Variants in CUL2 observed in about 807,000 individuals in gnomAD.
CUL2 encodes the protein cullin 2.
A neutral mutation model predicts 110.2 loss-of-function variants in CUL2; 22 were observed. The ratio of observed to expected loss-of-function variants is 0.20; its 90% CI spans 0.14 to 0.28. The LOEUF is 0.28. Among genes scored for constraint, CUL2 ranks in the 10% least tolerant of loss-of-function variants. CUL2 has a pLI of 1.00. For missense variants in CUL2, 631 were observed against 905.5 expected (o/e 0.70, Z 3.89); for synonymous variants, 279 against 293.2 (o/e 0.95, Z 0.49).
chr10:35,086,371 T>G (rs1028048013), intron 1 of CUL2, among the ~76,000 whole-genome samples: 1 of 151,952 alleles, frequency 6.6e-6, no homozygotes, highest in Admixed American at 6.6e-5. Flanking sequence ...CACTGCAGCC[T>G]CCACCTCCTG....
chr10:35,115,928 C>A (rs115583277), intron 1 of CUL2, among the ~76,000 whole-genome samples: 392 of 151,798 alleles, frequency 2.6e-3, no homozygotes, highest in African/African-American at 9.1e-3. Flanking sequence ...AATGTTGATT[C>A]TTTGAAGAGA....
At chr10:35,018,795 A>G (rs1386059422) in intron 17 of CUL2, among the ~76,000 whole-genome samples, 1 of 151,028 alleles carries the variant, frequency 6.6e-6, no homozygotes, top group African/African-American at 2.4e-5. Context: ...TTTAAAGGCT[A>G]TGAGTGAATT....
At chr10:35,109,648 C>T (rs2087504081) in intron 1 of CUL2, among the ~76,000 whole-genome samples, 2 of 152,160 alleles carry the variant, frequency 1.3e-5, no homozygotes, top group African/African-American at 4.8e-5. Flanking sequence ...ACAAGATTTC[C>T]AAACAGTGGG....
chr10:35,107,847 A>C (rs1256679931), intron 1 of CUL2, among the ~76,000 whole-genome samples: 3 of 125,130 alleles, frequency 2.4e-5, no homozygotes, highest in South Asian at 5.4e-4. Flanking sequence ...GCGCCACTGC[A>C]CTCCAGCCTG....
upstream of CUL2, chr10:35,126,791 C>T (rs2087859995): frequency 6.6e-6 from 1 of 152,444 alleles, no homozygotes; most frequent in Non-Finnish European, 1.5e-5. Flanking sequence ...CTCCCTATCC[C>T]TAGGCCCCGC....
At chr10:35,043,524 C>T (rs190943435) in intron 8 of CUL2, among the ~76,000 whole-genome samples, 21 of 152,260 alleles carry the variant, frequency 1.4e-4, no homozygotes, top group Non-Finnish European at 2.5e-4. Flanking sequence ...GACTTGTGGC[C>T]TAGGGATGTA....
intron 10 of CUL2, among the ~76,000 whole-genome samples, chr10:35,034,731 T>C (rs1399849572): frequency 6.6e-6 from 1 of 152,190 alleles, no homozygotes; most frequent in Non-Finnish European, 1.5e-5. Context: ...AGCAAGCATA[T>C]ACTTACAGAA....
chr10:35,099,968 T>C (rs2087355133), intron 2 of CUL2, among the ~76,000 whole-genome samples: 1 of 152,104 alleles, frequency 6.6e-6, no homozygotes, highest in South Asian at 2.1e-4. Context: ...GTGGGGTTTT[T>C]GTTTTCTTTT....
chr10:35,085,073 T>C (rs1307429874), intron 1 of CUL2, among the ~76,000 whole-genome samples: 2 of 151,892 alleles, frequency 1.3e-5, no homozygotes, highest in Non-Finnish European at 2.9e-5. Context: ...TCAGCCGAGA[T>C]TGTGCCACTG....
At chr10:35,121,009 CCTTT>C (rs1178493319) in intron 1 of CUL2, among the ~76,000 whole-genome samples, 1 of 152,046 alleles carries the variant, frequency 6.6e-6, no homozygotes, top group Admixed American at 6.5e-5. Flanking sequence ...CCTTCATATC[CCTTT>C]CTAAGTTCAT....
rs552424588 is a variant in CUL2, at chr10:35,104,982, G to T, written c.-50-3922C>A. On this transcript the variant is annotated intron_variant, in intron 1 of 5. Coordinates refer to the CUL2 transcript ENST00000685421. ...GACCTCAGATGATCCACCCGCCTGG[G>T]CCTCCCAATGTGCTGGGATTACAGG... is the stretch of plus-strand genomic sequence containing the variant. 2.0e-5 allele frequency among the ~76,000 whole-genome samples: 3 copies of T among 151,888 alleles called. No homozygotes were observed. In the South Asian group the frequency reaches 6.2e-4, roughly 32 times the overall value.
Position 35,033,182 on chromosome 10 carries a change from A to T in CUL2, c.1094T>A (p.Met365Lys). Residue 365 changes from methionine (M) to lysine (K), a missense_variant, in exon 11 of 21, where the codon ATG (methionine) becomes AAG (lysine). Coordinates refer to ENST00000374749, the MANE Select transcript of CUL2 (RefSeq NM_003591.4). ...AAAACTTACCTTATCCAACGCACTC[A>T]TAAAATGCTGATCACCATTCAAAAC... is the stretch of plus-strand genomic sequence containing the variant. ...NTVLNGDQHF[M>K]SALDKALTSV... The T allele has an allele frequency of 6.2e-7, 1 of 1,612,658 alleles. No individual in the cohort carries two copies. The highest frequency in any genetic ancestry group is 8.5e-7 in the Non-Finnish European group (1 of 1,178,974).
intron 2 of CUL2, among the ~76,000 whole-genome samples, chr10:35,096,166 T>C (rs1190085956): frequency 1.3e-5 from 2 of 152,116 alleles, no homozygotes; most frequent in Admixed American, 1.3e-4. Flanking sequence ...GAGAATCACT[T>C]GAACCTCAGA....
At chr10:35,033,994 G>A (rs889311268) in intron 10 of CUL2, among the ~76,000 whole-genome samples, 1 of 152,168 alleles carries the variant, frequency 6.6e-6, no homozygotes, top group Non-Finnish European at 1.5e-5. Context: ...GAGTTAAAAA[G>A]CCAATAATCC....
Position 35,033,281 on chromosome 10 carries a change from T to C in CUL2, c.1003-8A>G. The C allele has an allele frequency of 6.3e-7, 1 of 1,594,858 alleles. No individual in the cohort carries two copies. The highest frequency in any genetic ancestry group is 8.6e-7 in the Non-Finnish European group (1 of 1,162,964). On this transcript the variant is annotated splice_polypyrimidine_tract_variant and splice_region_variant and intron_variant, in intron 10 of 20. Transcript: ENST00000374749. The stretch of plus-strand genomic sequence containing the variant: ...CACAAATAGTGTTGGCATCTAAAAA[T>C]GAAATATAAGTACAAAACCACATTT...
chr10:35,039,603 A>G (rs570939112), intron 8 of CUL2, among the ~76,000 whole-genome samples: 17 of 152,360 alleles, frequency 1.1e-4, no homozygotes, highest in African/African-American at 3.6e-4. Context: ...GGTGGCTCAC[A>G]CCTGTAATCC....
chr10:35,081,912 C>T (rs571862158), intron 1 of CUL2, among the ~76,000 whole-genome samples: 1 of 152,114 alleles, frequency 6.6e-6, no homozygotes. Flanking sequence ...ATAGAAGACA[C>T]AGGCATGGAA....
chr10:35,021,164 G>GCAAGC (rs1440331130), intron 17 of CUL2, among the ~76,000 whole-genome samples: 1 of 151,758 alleles, frequency 6.6e-6, no homozygotes, highest in Non-Finnish European at 1.5e-5. Context: ...TACAGTCTCT[G>GCAAGC]CAAGCCATGG....
chr10:35,049,044 G>T (rs941662755), intron 6 of CUL2, among the ~76,000 whole-genome samples: 1 of 152,144 alleles, frequency 6.6e-6, no homozygotes, highest in Non-Finnish European at 1.5e-5. Context: ...GAATTTACTG[G>T]ATATATATTT....
Sources: allele counts gnomAD v4.1 joint callset (sites outside exome capture counted in the v4.1 genomes callset), GRCh38; gene constraint gnomAD v4.1.1; transcripts MANE v1.5; gene names NCBI Gene and HGNC (gene_info 2026-07-23, HGNC 2026-07-21).